Variants in ZBTB7C observed in about 807,000 individuals in gnomAD.
ZBTB7C encodes zinc finger and BTB domain containing 7C.
A neutral mutation model predicts 25.7 loss-of-function variants in ZBTB7C; 8 were observed. The observed-to-expected ratio is 0.31, with a 90% CI of 0.18 to 0.56. ZBTB7C has a LOEUF of 0.56. Among genes scored for constraint, ZBTB7C ranks in the 20% least tolerant of loss-of-function variants. The pLI is 0.91. For synonymous variants in ZBTB7C, 394 were observed against 369.0 expected, an observed-to-expected ratio of 1.07 and a Z score of -0.78; for missense variants, 824 against 855.2, an observed-to-expected ratio of 0.96 and a Z score of 0.46.
intron 2 of ZBTB7C, among the ~76,000 whole-genome samples, chr18:48,267,316 C>T (rs1283048901): frequency 1.3e-5 from 2 of 152,240 alleles, no homozygotes; most frequent in Admixed American, 1.3e-4. Flanking sequence ...GGCATGTGTT[C>T]ACTGCTTGAC....
intron 2 of ZBTB7C, among the ~76,000 whole-genome samples, chr18:48,195,966 A>AACG (rs2042309010): frequency 6.6e-6 from 1 of 152,166 alleles, no homozygotes; most frequent in Non-Finnish European, 1.5e-5. Context: ...CAGGTTTGGG[A>AACG]ATGAAGCCCA....
chr18:48,174,123 C>G (rs2041590770), intron 3 of ZBTB7C, among the ~76,000 whole-genome samples: 1 of 152,144 alleles, frequency 6.6e-6, no homozygotes, highest in South Asian at 2.1e-4. Flanking sequence ...TTTGACTATA[C>G]AAACAAATTT....
chr18:48,357,335 A>G (rs2046998135), intron 1 of ZBTB7C, among the ~76,000 whole-genome samples: 1 of 152,090 alleles, frequency 6.6e-6, no homozygotes, highest in South Asian at 2.1e-4. Flanking sequence ...CTTCTTGTTG[A>G]TTTTGCTCAG....
intron 1 of ZBTB7C, among the ~76,000 whole-genome samples, chr18:48,403,088 C>T (rs796652375): frequency 1.1e-4 from 17 of 152,318 alleles, no homozygotes; most frequent in African/African-American, 4.1e-4. Flanking sequence ...CACAGCTGTT[C>T]TGAGGAGGCT....
In ZBTB7C at chr18:48,337,232, C is replaced by T. The variant is rs894833367; in HGVS notation, c.-79+942G>A. Among the ~76,000 whole-genome samples the T allele has an allele frequency of 4.6e-5, 7 of 152,212 alleles. No homozygotes were observed. The East Asian group carries it at 1.3e-3, about 29-fold the overall frequency. On this transcript the variant is annotated intron_variant, in intron 2 of 4. Transcript: ENST00000590800. ...CCACACCCTCTTGGGCCTCCTGCCCCAGGCCACTGGCCCTTCTCCCCTTGC... is the reference window on the plus strand; with the variant it reads ...CCACACCCTCTTGGGCCTCCTGCCCTAGGCCACTGGCCCTTCTCCCCTTGC...
chr18:48,362,544 T>G (rs1351627789), intron 1 of ZBTB7C, among the ~76,000 whole-genome samples: 1 of 152,204 alleles, frequency 6.6e-6, no homozygotes, highest in Non-Finnish European at 1.5e-5. Context: ...CCAATCTGCC[T>G]TGGTATTGGA....
intron 1 of ZBTB7C, among the ~76,000 whole-genome samples, chr18:48,365,484 T>C (rs1186627658): frequency 6.6e-6 from 1 of 152,244 alleles, no homozygotes; most frequent in African/African-American, 2.4e-5. Flanking sequence ...ACAGACTCTC[T>C]ATCTCCCTTT....
chr18:48,330,087 T>C (rs1172090104), intron 2 of ZBTB7C, among the ~76,000 whole-genome samples: 1 of 152,242 alleles, frequency 6.6e-6, no homozygotes, highest in Non-Finnish European at 1.5e-5. Flanking sequence ...TGCCAGGCAC[T>C]GAGTAAGTCC....
chr18:48,217,758 C>T (rs1324213068), intron 2 of ZBTB7C, among the ~76,000 whole-genome samples: 1 of 152,196 alleles, frequency 6.6e-6, no homozygotes, highest in Admixed American at 6.5e-5. Flanking sequence ...TATCTTAAGG[C>T]CCCTGCCTCC....
chr18:48,305,260 C>A (rs1281467055), intron 2 of ZBTB7C, among the ~76,000 whole-genome samples: 1 of 152,080 alleles, frequency 6.6e-6, no homozygotes, highest in Non-Finnish European at 1.5e-5. Context: ...GCTGGGTGAC[C>A]CAGCCATCCA....
intron 1 of ZBTB7C, among the ~76,000 whole-genome samples, chr18:48,393,441 C>T (rs1165206055): frequency 6.6e-6 from 1 of 152,084 alleles, no homozygotes; most frequent in Non-Finnish European, 1.5e-5. Flanking sequence ...CTGACTGTCT[C>T]TCACTATAAA....
At chr18:48,343,759 G>T (rs2046659488) in intron 1 of ZBTB7C, among the ~76,000 whole-genome samples, 2 of 152,166 alleles carry the variant, frequency 1.3e-5, no homozygotes, top group African/African-American at 4.8e-5. Flanking sequence ...ATCATCTGCG[G>T]ATCTGGATTT....
intron 2 of ZBTB7C, among the ~76,000 whole-genome samples, chr18:48,285,829 T>C (rs574244586): frequency 5.3e-5 from 8 of 152,346 alleles, no homozygotes; most frequent in African/African-American, 1.9e-4. Context: ...GCAATTTTTT[T>C]TATTTTTGTT....
At chr18:48,327,742 C>A (rs1357606793) in intron 2 of ZBTB7C, among the ~76,000 whole-genome samples, 2 of 151,902 alleles carry the variant, frequency 1.3e-5, no homozygotes, top group African/African-American at 2.4e-5. Context: ...TTCTCTGACC[C>A]CTTATTGGAG....
intron 3 of ZBTB7C, among the ~76,000 whole-genome samples, chr18:48,121,718 G>A (rs1374424167): frequency 6.6e-6 from 1 of 152,202 alleles, no homozygotes; most frequent in South Asian, 2.1e-4. Flanking sequence ...CTGATGGTGT[G>A]AGCCATCACC....
At chr18:48,368,335 C>T (rs551665144) in intron 1 of ZBTB7C, among the ~76,000 whole-genome samples, 13 of 150,628 alleles carry the variant, frequency 8.6e-5, no homozygotes, top group African/African-American at 2.4e-4. Context: ...ATGATGAGCT[C>T]GATAGCCAAA....
At chr18:48,056,963 TATG>T (rs2036936420) in intron 3 of ZBTB7C, among the ~76,000 whole-genome samples, 1 of 146,870 alleles carries the variant, frequency 6.8e-6, no homozygotes, top group Non-Finnish European at 1.5e-5. Context: ...ATTTGAAACA[TATG>T]ATGAAGGGCT....
intron 2 of ZBTB7C, among the ~76,000 whole-genome samples, chr18:48,279,221 T>A (rs2044758947): frequency 6.6e-6 from 1 of 152,102 alleles, no homozygotes; most frequent in Non-Finnish European, 1.5e-5. Flanking sequence ...GCTCCACCAT[T>A]AAAACGGAAT....
intron 3 of ZBTB7C, among the ~76,000 whole-genome samples, chr18:48,120,672 C>T (rs2039598451): frequency 6.6e-6 from 1 of 152,134 alleles, no homozygotes; most frequent in South Asian, 2.1e-4. Context: ...CTAGTGCTAG[C>T]AGGACAGGGA....
Sources: allele counts gnomAD v4.1 joint callset (sites outside exome capture counted in the v4.1 genomes callset), GRCh38; gene constraint gnomAD v4.1.1; transcripts MANE v1.5; gene names NCBI Gene and HGNC (gene_info 2026-07-23, HGNC 2026-07-21).